RAPGEF2: variants seen among roughly 807,000 people sequenced by gnomAD.
RAPGEF2 encodes the protein Rap guanine nucleotide exchange factor 2, also known as PDZ domain containing guanine nucleotide exchange factor (GEF) 1.
RAPGEF2 carries 54 observed loss-of-function variants against 186.7 expected under a neutral mutation model. That is an observed-to-expected ratio of 0.29 (90% CI 0.23 to 0.36). The LOEUF (loss-of-function observed/expected upper bound fraction) is 0.36. RAPGEF2 is among the 10% of genes least tolerant of loss of function. The pLI, the probability that RAPGEF2 is intolerant of heterozygous loss-of-function variation, is 1.00. For missense variants in RAPGEF2, 1,532 were observed against 2,045.0 expected, an observed-to-expected ratio of 0.75 and a Z score of 4.84; for synonymous variants, 712 against 705.9, an observed-to-expected ratio of 1.01 and a Z score of -0.14.
intron 1 of RAPGEF2, among the ~76,000 whole-genome samples, chr4:159,117,182 T>G (rs910807222): frequency 1.5e-4 from 23 of 152,016 alleles, no homozygotes; most frequent in Non-Finnish European, 2.9e-4. Context: ...ATGCCAAGAG[T>G]TGAAATAAGG....
intron 7 of RAPGEF2, among the ~76,000 whole-genome samples, chr4:159,263,269 A>T (rs1383339881): frequency 1.3e-5 from 2 of 152,164 alleles, no homozygotes; most frequent in Non-Finnish European, 1.5e-5. Flanking sequence ...TTAATGGGGG[A>T]TGTATTGGCT....
At chr4:159,260,788 G>T (rs879868629) in intron 7 of RAPGEF2, among the ~76,000 whole-genome samples, 1 of 152,108 alleles carries the variant, frequency 6.6e-6, no homozygotes, top group Admixed American at 6.5e-5. Context: ...CACTCTTGTT[G>T]CCCAGGCTGG....
At chr4:159,260,229 T>C (rs1362801565) in intron 7 of RAPGEF2, among the ~76,000 whole-genome samples, 3 of 151,900 alleles carry the variant, frequency 2.0e-5, no homozygotes, top group Non-Finnish European at 4.4e-5. Flanking sequence ...ATTTGCCTGC[T>C]TCAGCCTCCC....
In RAPGEF2 at chr4:159,346,944, G is replaced by C. The variant is rs200983759; in HGVS notation, c.3658G>C (p.Val1220Leu). 1.2e-6 allele frequency: 2 copies of C among 1,614,162 alleles called. No homozygotes were observed. Among genetic ancestry groups the C allele is most frequent in the Non-Finnish European group, 8.5e-7 (1 of 1,180,022 alleles). ...KINQGLQVPA[V>L]SLYPSRKKVP... is the part of the protein sequence containing the mutation. ...CAACCAGGGACTACAGGTTCCCGCC[G>C]TGTCCCTTTATCCTTCACGGAAGAA... is the stretch of plus-strand genomic sequence containing the variant. The change falls in exon 25 of 30, where the codon GTG (valine) becomes CTG (leucine). Residue 1220 changes from valine (V) to leucine (L), a missense_variant. Physicochemically the swap from Val to Leu is conservative, Grantham distance 32. Transcript: ENST00000691494.
At chr4:159,198,314 CTTTCTTTCTTTCTTTCTTTCT>C (rs1561075095) in intron 3 of RAPGEF2, among the ~76,000 whole-genome samples, 7,841 of 68,924 alleles carry the variant, frequency 0.11, 701 homozygotes, top group South Asian at 0.23. Context: ...TTCTTTCTTT[CTTTCTTTCTTTCTTTCTTTCT>C]TTTTCTTTCT....
At chr4:159,205,592 A>T (rs375915071) in intron 3 of RAPGEF2, among the ~76,000 whole-genome samples, 1 of 152,190 alleles carries the variant, frequency 6.6e-6, no homozygotes, top group East Asian at 1.9e-4. Context: ...TGATTGGATC[A>T]TGGGGGCAGA....
chr4:159,260,350 A>G (rs939162053), intron 7 of RAPGEF2, among the ~76,000 whole-genome samples: 1 of 152,060 alleles, frequency 6.6e-6, no homozygotes, highest in Non-Finnish European at 1.5e-5. Context: ...CAGAAAGACA[A>G]AAATCTTGGA....
chr4:159,282,637 C>G (rs1759878742), intron 7 of RAPGEF2: 1 of 450,026 alleles, frequency 2.2e-6, no homozygotes, highest in Non-Finnish European at 4.4e-6. Flanking sequence ...GAGACTACAT[C>G]ATGGTATGTA....
intron 1 of RAPGEF2, among the ~76,000 whole-genome samples, chr4:159,149,833 C>T (rs1263980141): frequency 6.6e-6 from 1 of 152,118 alleles, no homozygotes; most frequent in South Asian, 2.1e-4. Flanking sequence ...TTTAGTGCAG[C>T]TATAATCAGA....
At chr4:159,153,711 A>G (rs2111197814) in intron 1 of RAPGEF2, among the ~76,000 whole-genome samples, 1 of 152,220 alleles carries the variant, frequency 6.6e-6, no homozygotes, top group East Asian at 1.9e-4. Flanking sequence ...GTTGCCCCCC[A>G]ACATTTTCCT....
At chr4:159,217,448 G>A (rs916983737) in intron 4 of RAPGEF2, among the ~76,000 whole-genome samples, 5 of 152,048 alleles carry the variant, frequency 3.3e-5, no homozygotes, top group African/African-American at 9.7e-5. Context: ...TCTGTGTTGC[G>A]GCCTCCAGCT....
chr4:159,342,926 C>T, intron 20 of RAPGEF2, 53 bp from the exon 21 acceptor site: 1 of 1,450,192 alleles, frequency 6.9e-7, no homozygotes, highest in East Asian at 2.3e-5. Flanking sequence ...AATAAATAAT[C>T]TGTACACTAT....
chr4:159,183,076 A>T (rs954522590), intron 1 of RAPGEF2, among the ~76,000 whole-genome samples: 2 of 152,226 alleles, frequency 1.3e-5, no homozygotes, highest in Non-Finnish European at 2.9e-5. Flanking sequence ...AATCAAAAAA[A>T]TTAAGATTGA....
At chr4:159,110,637 T>C (rs1738395171) in intron 1 of RAPGEF2, among the ~76,000 whole-genome samples, 1 of 152,168 alleles carries the variant, frequency 6.6e-6, no homozygotes, top group Non-Finnish European at 1.5e-5. Flanking sequence ...TCTTAATCTG[T>C]AATGATAATG....
chr4:159,188,923 T>C (rs564556827), intron 2 of RAPGEF2, among the ~76,000 whole-genome samples: 1 of 152,342 alleles, frequency 6.6e-6, no homozygotes, highest in African/African-American at 2.4e-5. Flanking sequence ...TGTGTTGAAG[T>C]CATATTAATG....
At chr4:159,140,824 GAA>G (rs35688115) in intron 1 of RAPGEF2, among the ~76,000 whole-genome samples, 73 of 147,798 alleles carry the variant, frequency 4.9e-4, no homozygotes, top group Middle Eastern at 3.5e-3. Context: ...TTTTTTTCTG[GAA>G]AAAAAAAAAA....
intron 7 of RAPGEF2, chr4:159,268,040 C>T: frequency 1.4e-6 from 2 of 1,459,332 alleles, no homozygotes. Flanking sequence ...CTTGGTTTTC[C>T]CTCCTCCCTT....
In RAPGEF2 at chr4:159,354,026, G is replaced by A. The variant is rs1731593507; in HGVS notation, c.4631G>A (p.Ser1544Asn). Reference sequence around the variant, plus strand: ...CCTGCCCACATAGCTGTGGCATCAAGTACTACAAAGGGGCTCATTGGTAAG... The same window carrying A: ...CCTGCCCACATAGCTGTGGCATCAAATACTACAAAGGGGCTCATTGGTAAG... ...PMPAHIAVAS[S>N]TTKGLIARKE... is the part of the protein sequence containing the mutation. Residue 1544 changes from serine (S) to asparagine (N), a missense_variant, in exon 28 of 30, where the codon AGT becomes AAT. Coordinates refer to ENST00000691494, the MANE Select transcript of RAPGEF2 (RefSeq NM_001394067.2). 6.3e-7 allele frequency: 1 copy of A among 1,597,316 alleles called. No individual in the cohort carries two copies. The highest frequency in any genetic ancestry group is 8.5e-7 in the Non-Finnish European group (1 of 1,173,722).
chr4:159,324,323 T>G (rs1014204119), intron 11 of RAPGEF2, among the ~76,000 whole-genome samples: 4 of 152,148 alleles, frequency 2.6e-5, no homozygotes, highest in African/African-American at 9.7e-5. Flanking sequence ...CCACCATGCC[T>G]GGCACCAATA....
Sources: allele counts gnomAD v4.1 joint callset (sites outside exome capture counted in the v4.1 genomes callset), GRCh38; gene constraint gnomAD v4.1.1; transcripts MANE v1.5; gene names NCBI Gene and HGNC (gene_info 2026-07-23, HGNC 2026-07-21).